Variants in POMT2 observed in about 807,000 individuals in gnomAD.
The protein encoded by POMT2 is protein O-mannosyltransferase 2, also known as protein O-mannosyl-transferase 2.
POMT2 carries 75 observed loss-of-function variants against 100.0 expected under a neutral mutation model. The ratio of observed to expected loss-of-function variants is 0.75; its 90% CI spans 0.62 to 0.91. The LOEUF (loss-of-function observed/expected upper bound fraction) is 0.91. Among genes scored for constraint, POMT2 ranks in the 40% least tolerant of loss-of-function variants. The pLI is 0.00. For synonymous variants in POMT2, 378 were observed against 374.1 expected, an observed-to-expected ratio of 1.01 and a Z score of -0.12; for missense variants, 940 against 955.1, an observed-to-expected ratio of 0.98 and a Z score of 0.21.
intron 3 of POMT2, among the ~76,000 whole-genome samples, chr14:77,305,108 A>T (rs1029557871): frequency 6.6e-6 from 1 of 152,200 alleles, no homozygotes; most frequent in Non-Finnish European, 1.5e-5. Context: ...AGGAATAGAG[A>T]GAAGGGAAGA....
chr14:77,288,851 A>G lies in POMT2; in HGVS notation c.1184-20T>C. The G allele has an allele frequency of 1.2e-6, 2 of 1,609,316 alleles. No homozygotes were observed. Among genetic ancestry groups the G allele is most frequent in the South Asian group, 2.2e-5 (2 of 90,946 alleles). ...GGGGATCTGCCAAAAAGAAACAAGCATTGATATCCAAAATCACTCACCAGG... is the reference window on the plus strand; with the variant it reads ...GGGGATCTGCCAAAAAGAAACAAGCGTTGATATCCAAAATCACTCACCAGG... On this transcript the variant is annotated intron_variant, in intron 10 of 20. Coordinates refer to ENST00000261534, the MANE Select transcript of POMT2 (RefSeq NM_013382.7).
intron 1 of POMT2, among the ~76,000 whole-genome samples, chr14:77,318,817 C>T (rs4903571): frequency 0.054 from 8,052 of 150,278 alleles, 263 homozygotes; most frequent in South Asian, 0.08. Context: ...CTCACTGCAA[C>T]CTCTGCTTCC....
chr14:77,284,864 C>T, intron 14 of POMT2, 86 bp downstream of exon 14: 1 of 1,196,890 alleles, frequency 8.4e-7, no homozygotes, highest in Non-Finnish European at 1.2e-6. Flanking sequence ...AGGGATAGCA[C>T]AGTTTACAAA....
At chr14:77,277,511 GGCACC>G in intron 20 of POMT2, 30 bp from the exon 21 acceptor site, 2 of 1,533,322 alleles carry the variant, frequency 1.3e-6, no homozygotes, top group Non-Finnish European at 1.8e-6. Flanking sequence ...GGAGGCAGTT[GGCACC>G]CCCAGTGCCT....
At chr14:77,315,039 A>G (rs768522906) in intron 1 of POMT2, among the ~76,000 whole-genome samples, 3 of 152,174 alleles carry the variant, frequency 2.0e-5, no homozygotes, top group Non-Finnish European at 4.4e-5. Context: ...AGGGGACTGA[A>G]GGTCATACAC....
At chr14:77,299,745 C>A in intron 6 of POMT2, 184 bp from the exon 7 acceptor site, 1 of 584,750 alleles carries the variant, frequency 1.7e-6, no homozygotes. Flanking sequence ...AAGCACTACA[C>A]AAGATAAACA....
intron 1 of POMT2, among the ~76,000 whole-genome samples, chr14:77,317,492 T>C (rs1386095414): frequency 1.3e-5 from 2 of 152,248 alleles, no homozygotes; most frequent in Non-Finnish European, 2.9e-5. Flanking sequence ...AGGTATTCGA[T>C]GGACCTCCCA....
intron 2 of POMT2, 118 bp from the exon 3 acceptor site, chr14:77,306,559 G>A: frequency 1.7e-6 from 2 of 1,177,932 alleles, no homozygotes; most frequent in South Asian, 2.6e-5. Flanking sequence ...ACTGTCCATA[G>A]AAAATGTTGC....
chr14:77,307,120 A>T (rs1352236623), intron 2 of POMT2, among the ~76,000 whole-genome samples: 1 of 152,232 alleles, frequency 6.6e-6, no homozygotes, highest in Non-Finnish European at 1.5e-5. Context: ...TGTCTTTTGT[A>T]TATTTCCTTG....
At chr14:77,306,126 CTG>C in intron 3 of POMT2, 1 of 702,324 alleles carries the variant, frequency 1.4e-6, no homozygotes, top group East Asian at 3.5e-5. Flanking sequence ...TATGTCATCT[CTG>C]TATTATTTGC....
At chr14:77,283,648 TTTGA>T (rs1890307787) in intron 15 of POMT2, 145 bp downstream of exon 15, 2 of 769,864 alleles carry the variant, frequency 2.6e-6, no homozygotes, top group Non-Finnish European at 2.3e-6. Context: ...GGGAAATGCC[TTTGA>T]GGATCACAGA....
In POMT2 at chr14:77,285,481, C is replaced by G. The variant is rs765964692; in HGVS notation, c.1484G>C (p.Trp495Ser). 6.2e-6 allele frequency: 10 copies of G among 1,613,890 alleles called. No homozygotes were observed. The highest frequency in any genetic ancestry group is 8.5e-6 in the Non-Finnish European group (10 of 1,179,964). The change falls in exon 13 of 21, where the codon TGG (tryptophan) becomes TCG (serine). Residue 495 changes from tryptophan to serine, a missense_variant and splice_region_variant. By Grantham distance (177) the Trp-to-Ser change is radical (BLOSUM62 -3). Coordinates refer to ENST00000261534, the MANE Select transcript of POMT2 (RefSeq NM_013382.7). ...GGACAGCAAAACCCTAGAGACTTAC[C>G]ACTTGGGCAGAACCTTTCCCGAGGA... ...LGSSGKVLPK[W>S]GWEQLEVTCT...
chr14:77,286,963 C>G lies in POMT2; in HGVS notation c.1254-141G>C, dbSNP rs145320823. 8,326 of 1,496,164 alleles carry G rather than the reference C, an allele frequency of 5.6e-3. 719 individuals carry two copies. In the Admixed American group the frequency reaches 0.14, roughly 26 times the overall value. The allele number at this position is 1,496,164 out of a possible 1,614,324, so 92.7% of individuals were successfully genotyped here. A position where few individuals can be genotyped will look rare whatever the true frequency, so the allele number is the denominator to read the frequency against. ...ACTATTAAATCCAACATATCAGGAA[C>G]TGGTTTCCTATTTACTCACAAGAAA... On this transcript the variant is annotated intron_variant, in intron 11 of 20. Coordinates refer to ENST00000261534, the MANE Select transcript of POMT2 (RefSeq NM_013382.7).
chr14:77,290,436 A>G (rs541807638), intron 10 of POMT2, among the ~76,000 whole-genome samples: 4 of 152,368 alleles, frequency 2.6e-5, no homozygotes, highest in African/African-American at 9.6e-5. Flanking sequence ...TCTAGCCTAC[A>G]CAGCAATAAG....
rs771776049 is a variant in POMT2, at chr14:77,298,754, A to G, written c.941T>C (p.Phe314Ser). 6 of 1,613,278 alleles carry G rather than the reference A, an allele frequency of 3.7e-6. No individual in the cohort carries two copies. Among genetic ancestry groups the G allele is most frequent in the Non-Finnish European group, 5.1e-6 (6 of 1,179,602 alleles). Residue 314 changes from phenylalanine (F) to serine (S), a missense_variant, in exon 8 of 21, where the codon TTC (phenylalanine) becomes TCC (serine). Physicochemically the swap from Phe to Ser is radical, Grantham distance 155. Coordinates refer to ENST00000261534, the MANE Select transcript of POMT2 (RefSeq NM_013382.7). ...VLSKSGPGDG[F>S]FSSAFQARLS... ...CCGGGCCTGGAAGGCAGAACTGAAG[A>G]AACCGTCACCAGGGCCACTGTGGGG...
At chr14:77,279,713 T>C (rs1340786880) in intron 18 of POMT2, 110 bp downstream of exon 18, 1 of 1,049,572 alleles carries the variant, frequency 9.5e-7, no homozygotes, top group South Asian at 1.4e-5. Context: ...AGGGAAGGTG[T>C]GGGGTGGTAA....
chr14:77,320,390 G>T (rs1891823497), intron 1 of POMT2, 44 bp downstream of exon 1: 2 of 1,543,166 alleles, frequency 1.3e-6, no homozygotes, highest in South Asian at 2.4e-5. Flanking sequence ...GCGGCGTCCC[G>T]TCGCGGTTGC....
At chr14:77,280,174 G>A in intron 16 of POMT2, 94 bp from the exon 17 acceptor site, 1 of 1,603,784 alleles carries the variant, frequency 6.2e-7, no homozygotes, top group Non-Finnish European at 8.5e-7. Context: ...CACAGACAGG[G>A]AGCCTGGACA....
At chr14:77,284,114 C>T in intron 14 of POMT2, 2 of 530,234 alleles carry the variant, frequency 3.8e-6, no homozygotes, top group South Asian at 3.8e-5. Flanking sequence ...CTTGGTGCTC[C>T]AACAGCTCCC....
Sources: allele counts gnomAD v4.1 joint callset (sites outside exome capture counted in the v4.1 genomes callset), GRCh38; gene constraint gnomAD v4.1.1; transcripts MANE v1.5; gene names NCBI Gene and HGNC (gene_info 2026-07-23, HGNC 2026-07-21).